The following CLDN10 variants were observed in gnomAD, a reference collection of about 807,000 sequenced individuals.
CLDN10 encodes the protein claudin-10.
CLDN10 carries 15 observed loss-of-function variants against 22.9 expected under a neutral mutation model. That is an observed-to-expected ratio of 0.65 (90% CI 0.44 to 1.01). The LOEUF is 1.01. CLDN10 is among the 50% of genes least tolerant of loss of function. CLDN10 has a pLI of 0.00. For synonymous variants in CLDN10, 114 were observed against 111.4 expected (o/e 1.02, Z -0.15); for missense variants, 247 against 287.8 (o/e 0.86, Z 1.03).
At chr13:95,447,104 A>C (rs980217558) in intron 1 of CLDN10, among the ~76,000 whole-genome samples, 2 of 152,276 alleles carry the variant, frequency 1.3e-5, no homozygotes, top group East Asian at 3.9e-4. Flanking sequence ...ATGCATAAAA[A>C]CGACCCGCCA....
intron 1 of CLDN10, chr13:95,479,620 TTAAC>T (rs1380376909): frequency 1.3e-5 from 2 of 152,072 alleles, no homozygotes; most frequent in Non-Finnish European, 2.9e-5. Flanking sequence ...AGAAAGAACA[TTAAC>T]TAGAGAAAAT....
chr13:95,465,425 TCTTAA>T (rs1454795427), intron 1 of CLDN10, among the ~76,000 whole-genome samples: 5 of 152,224 alleles, frequency 3.3e-5, no homozygotes, highest in African/African-American at 9.6e-5. Context: ...AGAATTATTA[TCTTAA>T]CTTTAGAGAT....
intron 1 of CLDN10, among the ~76,000 whole-genome samples, chr13:95,539,621 A>G (rs1425893101): frequency 6.6e-6 from 1 of 152,246 alleles, no homozygotes; most frequent in Admixed American, 6.5e-5. Flanking sequence ...GTAAGTTAGT[A>G]ATAAAAAGTT....
chr13:95,517,075 T>C (rs1350142448), intron 1 of CLDN10, among the ~76,000 whole-genome samples: 1 of 146,656 alleles, frequency 6.8e-6, no homozygotes. Flanking sequence ...ATTCTTTCTC[T>C]TTCCTTCCCT....
chr13:95,555,217 A>G (rs1443927637), intron 1 of CLDN10, among the ~76,000 whole-genome samples: 1 of 151,686 alleles, frequency 6.6e-6, no homozygotes, highest in Non-Finnish European at 1.5e-5. Flanking sequence ...TGCCCGGCTA[A>G]TTTTTTTTGC....
At chr13:95,479,838 C>T (rs570070727) in intron 1 of CLDN10, 4 of 152,364 alleles carry the variant, frequency 2.6e-5, no homozygotes, top group Admixed American at 2.0e-4. Flanking sequence ...ACATCCCCTG[C>T]AAGAGTCCAG....
At chr13:95,532,476 A>T (rs1235721809) in intron 1 of CLDN10, among the ~76,000 whole-genome samples, 4 of 152,220 alleles carry the variant, frequency 2.6e-5, no homozygotes, top group Non-Finnish European at 1.5e-5. Context: ...AATGGCTAAA[A>T]CAAGAGACTG....
chr13:95,503,420 G>C (rs1167650894), intron 1 of CLDN10, among the ~76,000 whole-genome samples: 1 of 152,108 alleles, frequency 6.6e-6, no homozygotes, highest in Admixed American at 6.6e-5. Flanking sequence ...GTTATATCAA[G>C]AGCTGTCCAT....
intron 1 of CLDN10, among the ~76,000 whole-genome samples, chr13:95,541,599 C>T (rs2043461222): frequency 6.6e-6 from 1 of 152,146 alleles, no homozygotes. Flanking sequence ...TTTATTACTT[C>T]CTCTATCACT....
At chr13:95,523,927 T>G (rs566122489) in intron 1 of CLDN10, among the ~76,000 whole-genome samples, 23 of 152,306 alleles carry the variant, frequency 1.5e-4, no homozygotes, top group African/African-American at 5.5e-4. Context: ...TAACAGTATC[T>G]CCTGGGGAGC....
At chr13:95,434,515 G>GTGTGTGTGTATATATATGCACACA (rs1566643288) in intron 1 of CLDN10, among the ~76,000 whole-genome samples, 12 of 121,032 alleles carry the variant, frequency 9.9e-5, no homozygotes, top group Non-Finnish European at 1.3e-4. Flanking sequence ...ATCTATATGT[G>GTGTGTGTGTATATATATGCACACA]TGTGTGTATA....
intron 1 of CLDN10, among the ~76,000 whole-genome samples, chr13:95,524,868 T>TTC (rs1844700410): frequency 6.6e-6 from 1 of 150,498 alleles, no homozygotes; most frequent in Non-Finnish European, 1.5e-5. Context: ...TATTTTTATT[T>TTC]TTTTTTTTGA....
At chr13:95,465,827 T>G (rs1284515831) in intron 1 of CLDN10, among the ~76,000 whole-genome samples, 1 of 152,228 alleles carries the variant, frequency 6.6e-6, no homozygotes, top group Non-Finnish European at 1.5e-5. Flanking sequence ...CTCATTATGT[T>G]TAGAGATCCT....
chr13:95,444,167 G>T (rs2042349877), intron 1 of CLDN10, among the ~76,000 whole-genome samples: 1 of 152,158 alleles, frequency 6.6e-6, no homozygotes, highest in Non-Finnish European at 1.5e-5. Flanking sequence ...AGACTAAATT[G>T]CATCCTAAAG....
At chr13:95,442,501 C>T (rs777607811) in intron 1 of CLDN10, among the ~76,000 whole-genome samples, 2 of 152,194 alleles carry the variant, frequency 1.3e-5, no homozygotes, top group Non-Finnish European at 2.9e-5. Flanking sequence ...GGCAAGACCA[C>T]CTTGCATTTC....
intron 1 of CLDN10, among the ~76,000 whole-genome samples, chr13:95,435,307 TAAA>T (rs2042257645): frequency 6.6e-6 from 1 of 152,182 alleles, no homozygotes; most frequent in African/African-American, 2.4e-5. Flanking sequence ...AGTCAAATAG[TAAA>T]ACTGTACCTT....
intron 1 of CLDN10, among the ~76,000 whole-genome samples, chr13:95,510,474 CTGTT>C (rs560812935): frequency 1.3e-5 from 2 of 152,088 alleles, no homozygotes; most frequent in African/African-American, 2.4e-5. Flanking sequence ...CAATTAGAGA[CTGTT>C]TGTTTTCTGT....
intron 1 of CLDN10, among the ~76,000 whole-genome samples, chr13:95,441,625 G>A (rs535435821): frequency 6.6e-6 from 1 of 152,208 alleles, no homozygotes; most frequent in Admixed American, 6.5e-5. Context: ...CCAGCCAGCA[G>A]CATCTATATC....
At chr13:95,516,294 A>G (rs2043167285) in intron 1 of CLDN10, among the ~76,000 whole-genome samples, 1 of 152,172 alleles carries the variant, frequency 6.6e-6, no homozygotes, top group Non-Finnish European at 1.5e-5. Flanking sequence ...ACCTTCAGGC[A>G]GATTAAATAG....
Sources: allele counts gnomAD v4.1 joint callset (sites outside exome capture counted in the v4.1 genomes callset), GRCh38; gene constraint gnomAD v4.1.1; transcripts MANE v1.5; gene names NCBI Gene and HGNC (gene_info 2026-07-23, HGNC 2026-07-21).